Variants in BRD4 observed in about 807,000 individuals in gnomAD.
BRD4 encodes the protein bromodomain containing 4.
Under a neutral mutation model 142.1 loss-of-function variants are expected in BRD4, and 16 were observed. The ratio of observed to expected loss-of-function variants is 0.11; its 90% confidence interval spans 0.08 to 0.17. The LOEUF is 0.17. Among genes scored for constraint, BRD4 ranks in the 10% least tolerant of loss-of-function variants. The probability of loss-of-function intolerance (pLI) is 1.00; values close to 1 mark genes in which losing one functional copy is unlikely to be tolerated. For synonymous variants in BRD4, 833 were observed against 707.5 expected (o/e 1.18, Z -2.82); for missense variants, 1,424 against 1,810.9 (o/e 0.79, Z 3.88).
intron 1 of BRD4, among the ~76,000 whole-genome samples, chr19:15,282,841 A>T (rs928553675): frequency 6.6e-6 from 1 of 152,198 alleles, no homozygotes; most frequent in African/African-American, 2.4e-5. Context: ...AAGTGCTGAC[A>T]CACACAGTCC....
intron 1 of BRD4, among the ~76,000 whole-genome samples, chr19:15,324,032 T>C (rs2048087246): frequency 6.6e-6 from 1 of 152,060 alleles, no homozygotes; most frequent in Admixed American, 6.6e-5. Flanking sequence ...TCCCCTGAGG[T>C]CAAGGCCAGA....
At position 15,237,956 on chromosome 19, in the gene BRD4, GAA is replaced by G. The variant is rs1277014121; in HGVS notation, c.*419_*420del. The stretch of plus-strand genomic sequence containing the variant: ...CGGGCGGCGATGGCTGGGGTGTGGG[GAA>G]AGACTCCCGGCGGGCAGGACATCAC... On this transcript the variant is annotated 3_prime_UTR_variant, in exon 20 of 20. Transcript: ENST00000679869. 1 of 242,476 alleles carries G rather than the reference GAA, an allele frequency of 4.1e-6. No individual in the cohort carries two copies. The highest frequency in any genetic ancestry group is 8.0e-6 in the Non-Finnish European group (1 of 124,390). 15.0% of individuals were successfully genotyped at this position (242,476 alleles called of 1,614,324 possible).
intron 1 of BRD4, among the ~76,000 whole-genome samples, chr19:15,301,377 A>G (rs988181458): frequency 3.3e-5 from 5 of 152,024 alleles, no homozygotes; most frequent in African/African-American, 1.2e-4. Flanking sequence ...CCTGACCAAC[A>G]TGGTGAAACC....
intron 1 of BRD4, among the ~76,000 whole-genome samples, chr19:15,309,871 C>T (rs2047951284): frequency 6.6e-6 from 1 of 152,150 alleles, no homozygotes; most frequent in Non-Finnish European, 1.5e-5. Context: ...ACAAAGCAAT[C>T]AAGTCATCCA....
At chr19:15,265,702 AC>A in intron 4 of BRD4, 59 bp from the exon 5 acceptor site, 1 of 1,570,888 alleles carries the variant, frequency 6.4e-7, no homozygotes, top group East Asian at 2.2e-5. Flanking sequence ...ATGCTGGCTG[AC>A]CTCGTGGGGA....
chr19:15,238,532 C>T lies in BRD4; in HGVS notation c.4021-87G>A, dbSNP rs1377639750. On this transcript the variant is annotated intron_variant, in intron 19 of 19. Coordinates refer to ENST00000679869, the MANE Select transcript of BRD4 (RefSeq NM_001379291.1). This position sits in a 1 kb window ranked among gnomAD's most constrained non-coding sequence, Gnocchi z 7.2. Reference sequence around the variant, plus strand: ...CTCATACCCGCTACCAGCAGTCAGCCCCGTAGCCCTCCCCGTGGCTGACCC... The same window carrying T: ...CTCATACCCGCTACCAGCAGTCAGCTCCGTAGCCCTCCCCGTGGCTGACCC... 2 of 1,600,762 alleles carry T rather than the reference C, an allele frequency of 1.2e-6. No individual in the cohort carries two copies. The highest frequency in any genetic ancestry group is 1.7e-6 in the Non-Finnish European group (2 of 1,174,098).
At chr19:15,265,796 C>G (rs2047528568) in intron 4 of BRD4, among the ~76,000 whole-genome samples, 153 bp from the exon 5 acceptor site, 1 of 152,190 alleles carries the variant, frequency 6.6e-6, no homozygotes, top group African/African-American at 2.4e-5. Context: ...CTGCCAAACC[C>G]TTCCACCTGT....
chr19:15,245,777 C>T (rs1262752693), intron 11 of BRD4, among the ~76,000 whole-genome samples: 2 of 152,192 alleles, frequency 1.3e-5, no homozygotes, highest in Admixed American at 6.5e-5. Flanking sequence ...CATGGTATGG[C>T]GCCTTTTGGA....
At chr19:15,296,686 C>T (rs961386303) in intron 1 of BRD4, among the ~76,000 whole-genome samples, 1 of 152,142 alleles carries the variant, frequency 6.6e-6, no homozygotes, top group Non-Finnish European at 1.5e-5. Flanking sequence ...CCTGACCGTC[C>T]AGCCACACTG....
chr19:15,264,505 C>T lies in BRD4; in HGVS notation c.1111G>A (p.Ala371Thr), dbSNP rs200264318. 5.0e-6 allele frequency: 8 copies of T among 1,613,946 alleles called. No individual in the cohort carries two copies. Among genetic ancestry groups the T allele is most frequent in the East Asian group, 2.2e-5 (1 of 44,850 alleles). The change falls in exon 6 of 20, where the codon GCC becomes ACC. Residue 371 changes from alanine (A) to threonine (T), a missense_variant. By Grantham distance (58) the Ala-to-Thr change is moderately conservative. This residue lies in a region of BRD4 where 30 missense variants were observed against 65.2 expected (regional missense o/e 0.46). Transcript: ENST00000679869. ...LKEMFAKKHA[A>T]YAWPFYKPVD... ...GGCTTGTAGAAGGGCCAGGCGTAGG[C>T]GGCGTGCTTCTTGGCAAACATCTCC...
chr19:15,246,141 T>C lies in BRD4; in HGVS notation c.2159-1379A>G, dbSNP rs76061070. Among the ~76,000 whole-genome samples the C allele has an allele frequency of 1.4e-4, 22 of 152,222 alleles. No individual in the cohort carries two copies. In the East Asian group the frequency reaches 3.9e-3, roughly 27 times the overall value. On this transcript the variant is annotated intron_variant, in intron 11 of 19. Coordinates refer to ENST00000679869, the MANE Select transcript of BRD4 (RefSeq NM_001379291.1). ...GGAACCTGGGGCCCCGCCTAAAACCTGCATACAGGGCTCAGGACGCTCTGG... is the reference window on the plus strand; with the variant it reads ...GGAACCTGGGGCCCCGCCTAAAACCCGCATACAGGGCTCAGGACGCTCTGG...
At chr19:15,274,849 G>A (rs1054677820) in intron 1 of BRD4, among the ~76,000 whole-genome samples, 2 of 151,602 alleles carry the variant, frequency 1.3e-5, no homozygotes, top group East Asian at 3.9e-4. Context: ...AGGCCCTTGA[G>A]CCGAGGAAGC....
intron 1 of BRD4, among the ~76,000 whole-genome samples, chr19:15,329,387 A>C (rs905251698): frequency 1.3e-5 from 2 of 152,198 alleles, no homozygotes; most frequent in Non-Finnish European, 2.9e-5. Flanking sequence ...AGGTTGTCAG[A>C]AGCAGATTTA....
In BRD4 at chr19:15,238,087, T is replaced by G; in HGVS notation, c.*290A>C. The G allele has an allele frequency of 4.3e-6, 2 of 460,198 alleles. No individual in the cohort carries two copies. Among genetic ancestry groups the G allele is most frequent in the Non-Finnish European group, 4.0e-6 (1 of 253,076 alleles). The allele number at this position is 460,198 out of a possible 1,614,324, so 28.5% of individuals were successfully genotyped here. On this transcript the variant is annotated 3_prime_UTR_variant, in exon 20 of 20. Transcript: ENST00000679869. This position sits in a 1 kb window ranked among gnomAD's most constrained non-coding sequence, Gnocchi z 7.2. ...CGGAGAGAAGGGCCTCTGCCCCGCA[T>G]GTGGGGATGCAGGGCTTGGGTCCAG... is the stretch of plus-strand genomic sequence containing the variant.
At chr19:15,265,218 A>T (rs1207433957) in intron 5 of BRD4, 136 bp downstream of exon 5, 2 of 922,316 alleles carry the variant, frequency 2.2e-6, no homozygotes. Flanking sequence ...CTGGGCTGCA[A>T]TTTCAACACA....
At chr19:15,263,360 TGCTC>T in intron 7 of BRD4, 56 bp downstream of exon 7, 8 of 1,572,258 alleles carry the variant, frequency 5.1e-6, no homozygotes, top group Non-Finnish European at 6.9e-6. Context: ...CACAGAAGTC[TGCTC>T]CCACGAGGAC....
At chr19:15,325,024 C>A (rs571702733) in intron 1 of BRD4, among the ~76,000 whole-genome samples, 6 of 152,292 alleles carry the variant, frequency 3.9e-5, no homozygotes, top group African/African-American at 1.4e-4. Context: ...GCTGGTGCAC[C>A]TCCTGGCTGT....
chr19:15,240,997 T>A (rs548841700), intron 14 of BRD4, among the ~76,000 whole-genome samples: 1 of 152,094 alleles, frequency 6.6e-6, no homozygotes, highest in Non-Finnish European at 1.5e-5. Flanking sequence ...TCTATTTTCA[T>A]AGGCCTGGAG....
intron 1 of BRD4, among the ~76,000 whole-genome samples, chr19:15,309,356 A>C (rs551298731): frequency 1.9e-4 from 28 of 151,246 alleles, no homozygotes; most frequent in East Asian, 5.8e-4. Context: ...AAAAAAAAAA[A>C]CCAACAAACT....
Sources: allele counts gnomAD v4.1 joint callset (sites outside exome capture counted in the v4.1 genomes callset), GRCh38; gene constraint gnomAD v4.1.1; regional missense constraint gnomAD v4.1.1; non-coding constraint Gnocchi (gnomAD v3.1); transcripts MANE v1.5; gene names NCBI Gene and HGNC (gene_info 2026-07-23, HGNC 2026-07-21).